Variants in DSCAM observed in about 807,000 individuals in gnomAD.
DSCAM encodes the protein DS cell adhesion molecule, also known as cell adhesion molecule DSCAM.
A neutral mutation model predicts 217.7 loss-of-function variants in DSCAM; 47 were observed. That is an observed-to-expected ratio of 0.22 (90% CI 0.17 to 0.28). The LOEUF is 0.28. DSCAM is among the 10% of genes least tolerant of loss of function. DSCAM has a pLI of 1.00. For missense variants in DSCAM, 2,080 were observed against 2,618.3 expected (o/e 0.79, Z 4.49); for synonymous variants, 1,056 against 1,015.3 (o/e 1.04, Z -0.76).
At chr21:40,597,984 T>A (rs2077034600) in intron 3 of DSCAM, among the ~76,000 whole-genome samples, 2 of 152,204 alleles carry the variant, frequency 1.3e-5, no homozygotes, top group South Asian at 4.1e-4. Flanking sequence ...TAAGCTGTAC[T>A]CTGTGTGTTG....
intron 27 of DSCAM, among the ~76,000 whole-genome samples, chr21:40,071,083 G>A (rs1292869166): frequency 1.3e-5 from 2 of 152,152 alleles, no homozygotes; most frequent in Non-Finnish European, 2.9e-5. Context: ...CGTACCAAAG[G>A]AGGAGGCTTT....
At chr21:40,205,154 C>A (rs925843154) in intron 11 of DSCAM, among the ~76,000 whole-genome samples, 1 of 152,222 alleles carries the variant, frequency 6.6e-6, no homozygotes, top group African/African-American at 2.4e-5. Context: ...AAAGGTCCCT[C>A]CCAGGGGAGA....
intron 32 of DSCAM, among the ~76,000 whole-genome samples, chr21:40,035,277 G>A (rs1373312043): frequency 9.7e-5 from 10 of 103,410 alleles, no homozygotes; most frequent in African/African-American, 3.4e-4. Flanking sequence ...CCCATCTCAC[G>A]TGCAGAGACA....
chr21:40,635,895 G>A (rs1223348788), intron 3 of DSCAM, among the ~76,000 whole-genome samples: 1 of 151,936 alleles, frequency 6.6e-6, no homozygotes, highest in Non-Finnish European at 1.5e-5. Context: ...AGAAGAGTAG[G>A]AACAAAGTAA....
chr21:40,228,640 TTTC>T (rs953234377), intron 11 of DSCAM, among the ~76,000 whole-genome samples: 3 of 141,788 alleles, frequency 2.1e-5, no homozygotes, highest in Non-Finnish European at 4.4e-5. Flanking sequence ...CTCCACCTCT[TTTC>T]TTTTTTTTTT....
chr21:40,137,395 TAGGCTGTGAAGGA>T (rs1408014425), intron 18 of DSCAM, among the ~76,000 whole-genome samples: 1 of 152,024 alleles, frequency 6.6e-6, no homozygotes, highest in Non-Finnish European at 1.5e-5. Flanking sequence ...GAACGCCTCA[TAGGCTGTGAAGGA>T]AGGCTATTTT....
At chr21:40,028,783 G>T (rs559891212) in intron 32 of DSCAM, among the ~76,000 whole-genome samples, 1 of 152,108 alleles carries the variant, frequency 6.6e-6, no homozygotes, top group Non-Finnish European at 1.5e-5. Context: ...GAAATGCCGA[G>T]ATCACCCGTC....
chr21:40,343,305 G>A (rs1012175213), intron 6 of DSCAM, among the ~76,000 whole-genome samples: 2 of 152,078 alleles, frequency 1.3e-5, no homozygotes, highest in Admixed American at 1.3e-4. Flanking sequence ...AGCCTAACTA[G>A]GGCTGCTAGT....
chr21:40,616,467 C>G (rs549336107), intron 3 of DSCAM, among the ~76,000 whole-genome samples: 11 of 152,322 alleles, frequency 7.2e-5, no homozygotes, highest in Admixed American at 6.5e-4. Context: ...GATAAAAGCT[C>G]TAGCCTCTGA....
chr21:40,574,102 A>G (rs2076830149), intron 3 of DSCAM, among the ~76,000 whole-genome samples: 3 of 152,028 alleles, frequency 2.0e-5, no homozygotes, highest in Admixed American at 2.0e-4. Context: ...TTTTTAATAG[A>G]GGAGGAGGGA....
chr21:40,244,321 G>A (rs1245182119), intron 11 of DSCAM, among the ~76,000 whole-genome samples: 1 of 151,998 alleles, frequency 6.6e-6, no homozygotes, highest in African/African-American at 2.4e-5. Context: ...CATGGTGGTG[G>A]ACACCTATAA....
At chr21:40,696,910 A>G (rs1348814447) in intron 2 of DSCAM, among the ~76,000 whole-genome samples, 4 of 152,182 alleles carry the variant, frequency 2.6e-5, no homozygotes, top group Non-Finnish European at 5.9e-5. Flanking sequence ...CTGTGTTGGG[A>G]GCACAGTAAA....
chr21:40,330,280 TATTA>T (rs2074363059), intron 8 of DSCAM, among the ~76,000 whole-genome samples: 1 of 147,130 alleles, frequency 6.8e-6, no homozygotes, highest in Non-Finnish European at 1.5e-5. Flanking sequence ...AAAATATATT[TATTA>T]TATTATATGC....
At chr21:40,570,915 C>A (rs976867479) in intron 3 of DSCAM, among the ~76,000 whole-genome samples, 1 of 151,494 alleles carries the variant, frequency 6.6e-6, no homozygotes, top group Non-Finnish European at 1.5e-5. Context: ...AATTGGAATC[C>A]CAGAAGAAGA....
intron 3 of DSCAM, among the ~76,000 whole-genome samples, chr21:40,483,189 G>T (rs1437998286): frequency 6.6e-6 from 1 of 152,156 alleles, no homozygotes; most frequent in Non-Finnish European, 1.5e-5. Context: ...CTGCAGAAAA[G>T]CACAAACTCC....
intron 1 of DSCAM, among the ~76,000 whole-genome samples, chr21:40,824,825 C>A (rs765332431): frequency 2.0e-5 from 3 of 152,184 alleles, no homozygotes; most frequent in Admixed American, 6.5e-5. Context: ...TTTTCTCCTG[C>A]CAATCTTTTC....
At chr21:40,231,616 C>T (rs890868084) in intron 11 of DSCAM, among the ~76,000 whole-genome samples, 2 of 152,052 alleles carry the variant, frequency 1.3e-5, no homozygotes, top group African/African-American at 2.4e-5. Context: ...GATCCTCCCA[C>T]GTCAGCCTCC....
At chr21:40,482,598 A>G (rs2075992470) in intron 3 of DSCAM, among the ~76,000 whole-genome samples, 1 of 152,206 alleles carries the variant, frequency 6.6e-6, no homozygotes, top group African/African-American at 2.4e-5. Flanking sequence ...AGAAATCACT[A>G]CATTTTCATA....
intron 3 of DSCAM, among the ~76,000 whole-genome samples, chr21:40,462,618 T>C (rs2075815043): frequency 6.6e-6 from 1 of 152,116 alleles, no homozygotes; most frequent in South Asian, 2.1e-4. Context: ...TGCATGACAG[T>C]TTGAAAGCAC....
Sources: allele counts gnomAD v4.1 joint callset (sites outside exome capture counted in the v4.1 genomes callset), GRCh38; gene constraint gnomAD v4.1.1; transcripts MANE v1.5; gene names NCBI Gene and HGNC (gene_info 2026-07-23, HGNC 2026-07-21).